The following TM9SF2 variants were observed in gnomAD, a reference collection of about 807,000 sequenced individuals.
TM9SF2 encodes the protein transmembrane 9 superfamily member 2.
In TM9SF2, 13 loss-of-function variants were observed where a neutral mutation model predicts 84.9. That is an observed-to-expected ratio of 0.15 (90% CI 0.10 to 0.24). The LOEUF (loss-of-function observed/expected upper bound fraction) is 0.24, where lower values mean the gene tolerates loss of function less well. Ranked by LOEUF, TM9SF2 falls within the 10% of genes least tolerant of loss-of-function variation. The pLI is 1.00. For synonymous variants in TM9SF2, 273 were observed against 285.8 expected, an observed-to-expected ratio of 0.96 and a Z score of 0.45; for missense variants, 562 against 818.5, an observed-to-expected ratio of 0.69 and a Z score of 3.82.
chr13:99,539,660 C>A, intron 7 of TM9SF2, 103 bp downstream of exon 7: 1 of 778,988 alleles, frequency 1.3e-6, no homozygotes. Context: ...AATAAAGAAG[C>A]TATTAATGAG....
In TM9SF2 at chr13:99,519,727, A is replaced by T. The variant is rs1241609274; in HGVS notation, c.240-309A>T. The T allele has an allele frequency of 1.6e-5, 3 of 189,302 alleles. No individual in the cohort carries two copies. In the Admixed American group the frequency reaches 1.7e-4, roughly 10 times the overall value. The allele number at this position is 189,302 out of a possible 1,614,324, so 11.7% of individuals were successfully genotyped here. A position where few individuals can be genotyped will look rare whatever the true frequency, so the allele number is the denominator to read the frequency against. The stretch of plus-strand genomic sequence containing the variant: ...TTATGCAAAATTTGCTTGAATAATA[A>T]GGATCTAAATAATTTTATTATTGGA... On this transcript the variant is annotated intron_variant, in intron 2 of 16. Coordinates refer to ENST00000376387, the MANE Select transcript of TM9SF2 (RefSeq NM_004800.3).
chr13:99,540,349 C>G (rs548585440), intron 7 of TM9SF2, among the ~76,000 whole-genome samples: 1 of 149,690 alleles, frequency 6.7e-6, no homozygotes, highest in East Asian at 1.9e-4. Context: ...TAGCTGCCCC[C>G]GGCATAAAGA....
intron 3 of TM9SF2, among the ~76,000 whole-genome samples, chr13:99,521,356 G>A (rs1191112493): frequency 6.6e-6 from 1 of 152,184 alleles, no homozygotes; most frequent in Non-Finnish European, 1.5e-5. Flanking sequence ...ACATGAGAAT[G>A]TGTGTTCTGA....
rs749310060 is a variant in TM9SF2, at chr13:99,537,855, A to G, written c.708A>G (p.Glu236=). 1.1e-5 allele frequency: 18 copies of G among 1,602,614 alleles called. No individual in the cohort carries two copies. The East Asian group carries it at 4.0e-4, about 36-fold the overall frequency. Residue 236 remains glutamate, a synonymous_variant, in exon 6 of 17, where the codon GAA becomes GAG. Coordinates refer to ENST00000376387, the MANE Select transcript of TM9SF2 (RefSeq NM_004800.3). ...MGARLVAAKL[E]PKSFKHTHID... is the part of the protein sequence containing the mutation. ...CAAGATTAGTGGCTGCTAAACTTGA[A>G]CCGAAAAGGTAATTATATTAATGAT...
chr13:99,524,373 G>A (rs1001718207), intron 3 of TM9SF2, among the ~76,000 whole-genome samples: 2 of 152,054 alleles, frequency 1.3e-5, no homozygotes, highest in Non-Finnish European at 2.9e-5. Context: ...GCCAAGGGAT[G>A]GGATGTGGAG....
At chr13:99,504,118 T>G (rs1200608182) in intron 1 of TM9SF2, among the ~76,000 whole-genome samples, 4 of 152,232 alleles carry the variant, frequency 2.6e-5, no homozygotes, top group Non-Finnish European at 4.4e-5. Flanking sequence ...AAGAAGATGC[T>G]ATAAATAACA....
chr13:99,532,170 G>T (rs1166726526), intron 4 of TM9SF2, among the ~76,000 whole-genome samples: 1 of 151,562 alleles, frequency 6.6e-6, no homozygotes, highest in African/African-American at 2.4e-5. Flanking sequence ...TCCTGCCTCA[G>T]CCTCCCGAGT....
intron 9 of TM9SF2, 98 bp from the exon 10 acceptor site, chr13:99,543,761 AAAAC>A (rs2046270568): frequency 6.8e-7 from 1 of 1,462,598 alleles, no homozygotes; most frequent in African/African-American, 1.4e-5. Context: ...AAGTTTAAAA[AAAAC>A]CTGTTTTCTG....
Position 99,562,858 on chromosome 13 carries a change from C to A in TM9SF2, c.*100C>A. On this transcript the variant is annotated 3_prime_UTR_variant, in exon 17 of 17. Transcript: ENST00000376387. ...CTTGAGTTTTATCAGAATTATTGGC[C>A]TAGTAATCCTTCAGAAACACCGTAA... 8.9e-7 allele frequency: 1 copy of A among 1,126,256 alleles called. No individual in the cohort carries two copies. The highest frequency in any genetic ancestry group is 1.3e-6 in the Non-Finnish European group (1 of 769,132). 69.8% of individuals were successfully genotyped at this position (1,126,256 alleles called of 1,614,324 possible). A position where few individuals can be genotyped will look rare whatever the true frequency, so the allele number is the denominator to read the frequency against.
At chr13:99,530,499 A>G (rs2046203919) in intron 4 of TM9SF2, among the ~76,000 whole-genome samples, 1 of 152,272 alleles carries the variant, frequency 6.6e-6, no homozygotes, top group Non-Finnish European at 1.5e-5. Flanking sequence ...TCAATTTCTA[A>G]AAAACACCAT....
chr13:99,541,707 CT>C, intron 9 of TM9SF2, 40 bp downstream of exon 9: 1 of 1,345,172 alleles, frequency 7.4e-7, no homozygotes. Flanking sequence ...GCCAAGGACA[CT>C]GTTTATTGTT....
intron 14 of TM9SF2, 69 bp from the exon 15 acceptor site, chr13:99,555,467 A>G (rs2046321553): frequency 1.7e-6 from 2 of 1,185,804 alleles, no homozygotes; most frequent in African/African-American, 3.0e-5. Context: ...AGAAGAATGA[A>G]AAGATTGTGT....
At chr13:99,555,421 G>A in intron 14 of TM9SF2, 115 bp from the exon 15 acceptor site, 1 of 737,254 alleles carries the variant, frequency 1.4e-6, no homozygotes, top group South Asian at 1.8e-5. Flanking sequence ...CGTCTTGTTT[G>A]GTTAGTTGAG....
intron 15 of TM9SF2, 141 bp downstream of exon 15, chr13:99,555,788 G>A: frequency 2.0e-6 from 1 of 510,956 alleles, no homozygotes; most frequent in Non-Finnish European, 3.4e-6. Context: ...TAAATCAAAT[G>A]TAACCTTCTT....
chr13:99,562,961 T>A lies in TM9SF2; in HGVS notation c.*203T>A. On this transcript the variant is annotated 3_prime_UTR_variant, in exon 17 of 17. Coordinates refer to ENST00000376387, the MANE Select transcript of TM9SF2 (RefSeq NM_004800.3). ...CACTATAAAGCATTTGTATTGTGAT[T>A]TGATTAAGTATATATTTGGTTGTTC... 1 of 469,098 alleles carries A rather than the reference T, an allele frequency of 2.1e-6. No individual in the cohort carries two copies. The highest frequency in any genetic ancestry group is 3.8e-6 in the Non-Finnish European group (1 of 265,952). The allele number at this position is 469,098 out of a possible 1,614,324, so 29.1% of individuals were successfully genotyped here. A position where few individuals can be genotyped will look rare whatever the true frequency, so the allele number is the denominator to read the frequency against.
Position 99,549,225 on chromosome 13 carries a change from A to G in TM9SF2, c.1328+3A>G. 6.2e-7 allele frequency: 1 copy of G among 1,611,940 alleles called. No homozygotes were observed. The highest frequency in any genetic ancestry group is 8.5e-7 in the Non-Finnish European group (1 of 1,178,760). ...TTAACATCATTTCTTTGTCCTGGGT[A>G]AGTGAATTTTTCAAGAATTACTTTC... On this transcript the variant is annotated splice_donor_region_variant and intron_variant, in intron 12 of 16. Transcript: ENST00000376387.
chr13:99,539,683 A>G, intron 7 of TM9SF2, 126 bp downstream of exon 7: 1 of 670,288 alleles, frequency 1.5e-6, no homozygotes, highest in South Asian at 1.8e-5. Context: ...GATTTTTAGG[A>G]TAGTTTGTCG....
Position 99,552,129 on chromosome 13 carries a change from A to G in TM9SF2, c.1329-38A>G, listed in dbSNP as rs772855516. 4.8e-5 allele frequency: 76 copies of G among 1,591,536 alleles called. 1 individual carries two copies. The South Asian group carries it at 8.3e-4, about 17-fold the overall frequency. ...TTACATACTACTGTTGCATTTTGTT[A>G]TCTCTGGTTTTACCCAAAAGCCTGT... On this transcript the variant is annotated intron_variant, in intron 12 of 16. Transcript: ENST00000376387.
intron 1 of TM9SF2, among the ~76,000 whole-genome samples, chr13:99,516,001 G>A (rs1404001548): frequency 6.6e-6 from 1 of 152,158 alleles, no homozygotes; most frequent in African/African-American, 2.4e-5. Flanking sequence ...CAAAGTGCTG[G>A]GGTTACAGGC....
Sources: allele counts gnomAD v4.1 joint callset (sites outside exome capture counted in the v4.1 genomes callset), GRCh38; gene constraint gnomAD v4.1.1; transcripts MANE v1.5; gene names NCBI Gene and HGNC (gene_info 2026-07-23, HGNC 2026-07-21).